Variants in FLG observed in about 807,000 individuals in gnomAD.
FLG encodes the protein epidermal filaggrin.
In FLG, 6 loss-of-function variants were observed where a neutral mutation model predicts 3.8. The ratio of observed to expected loss-of-function variants is 1.60; its 90% CI spans 0.87 to 3.15. The LOEUF (loss-of-function observed/expected upper bound fraction) is 3.15. FLG is among the 30% of genes most tolerant of loss of function. The pLI is 0.00. For synonymous variants in FLG, 2,551 were observed against 1,931.6 expected, an observed-to-expected ratio of 1.32 and a Z score of -8.41; for missense variants, 7,595 against 5,050.9, an observed-to-expected ratio of 1.50 and a Z score of -15.27.
At position 152,304,254 on chromosome 1, in the gene FLG, G is replaced by A; in HGVS notation, c.10632C>T (p.Asp3544=). The change falls in exon 3 of 3, where the codon GAC becomes GAT. Residue 3544 remains aspartate, a synonymous_variant. Coordinates refer to ENST00000368799, the MANE Select transcript of FLG (RefSeq NM_002016.2). ...NQGSSVSQDS[D]SQGHSEDSER... ...CAGAGTCTTCTGAGTGTCCCTGACT[G>A]TCACTGTCCTGGCTAACACTGGATC... The A allele has an allele frequency of 1.2e-6, 2 of 1,613,240 alleles. No individual in the cohort carries two copies. Among genetic ancestry groups the A allele is most frequent in the Non-Finnish European group, 1.7e-6 (2 of 1,179,692 alleles).
rs74925349 is a variant in FLG, at chr1:152,305,366, T to C, written c.9520A>G (p.Ser3174Gly). ...TGACGTGACACTGAGTGCCTGGAGC[T>C]GTCTCCTGATTGTTCCTCATTACGT... ...TTRNEEQSGD[S>G]SRHSVSRHHE... The change falls in exon 3 of 3, where the codon AGC (serine) becomes GGC (glycine). Residue 3174 changes from serine to glycine, a missense_variant. Coordinates refer to ENST00000368799, the MANE Select transcript of FLG (RefSeq NM_002016.2). 8,754 of 1,603,790 alleles carry C rather than the reference T, an allele frequency of 5.5e-3. 592 individuals carry two copies. The African/African-American group carries it at 0.094, about 17-fold the overall frequency.
In FLG at chr1:152,313,975, T is replaced by C. The variant is rs1244509813; in HGVS notation, c.911A>G (p.Glu304Gly). Residue 304 changes from glutamate (E) to glycine (G), a missense_variant, in exon 3 of 3, where the codon GAG becomes GGG. Transcript: ENST00000368799. ...GSRVSQDRDS[E>G]GHSEDSERHS... ...CCTCTCAGAGTCTTCTGAGTGTCCC[T>C]CACTGTCCCTGTCCTGGCTAACTCT... 1.6e-5 allele frequency: 26 copies of C among 1,614,088 alleles called. No individual in the cohort carries two copies. Among genetic ancestry groups the C allele is most frequent in the Non-Finnish European group, 2.2e-5 (26 of 1,180,044 alleles).
chr1:152,315,528 T>C (rs1232116243), intron 1 of FLG, 51 bp from the exon 2 acceptor site: 4 of 1,364,002 alleles, frequency 2.9e-6, no homozygotes, highest in Non-Finnish European at 4.1e-6. Flanking sequence ...TTTTTCTAGG[T>C]TATATTATTA....
In FLG at chr1:152,307,644, G is replaced by T; in HGVS notation, c.7242C>A (p.Phe2414Leu). Residue 2414 changes from phenylalanine to leucine, a missense_variant, in exon 3 of 3, where the codon TTC (phenylalanine) becomes TTA (leucine). Transcript: ENST00000368799. ...SAGRSGRSGSFLYQVSTHEQS... is the reference protein window; with the variant it reads ...SAGRSGRSGSLLYQVSTHEQS... ...GTTCATGAGTGCTCACCTGGTAGAGGAAAGACCCTGAACGTCCAGACCTTC... is the reference window on the plus strand; with the variant it reads ...GTTCATGAGTGCTCACCTGGTAGAGTAAAGACCCTGAACGTCCAGACCTTC... 1 of 1,613,506 alleles carries T rather than the reference G, an allele frequency of 6.2e-7. No individual in the cohort carries two copies. The highest frequency in any genetic ancestry group is 1.3e-5 in the African/African-American group (1 of 74,744).
At position 152,312,935 on chromosome 1, in the gene FLG, C is replaced by G; in HGVS notation, c.1951G>C (p.Glu651Gln). The G allele has an allele frequency of 6.2e-7, 1 of 1,613,992 alleles. No homozygotes were observed. The change falls in exon 3 of 3, where the codon GAG becomes CAG. Residue 651 changes from glutamate to glutamine, a missense_variant. Glu to Gln is a conservative substitution (Grantham distance 29). Transcript: ENST00000368799. ...TGTCTGGAGCCATCTCTTGACTGCTCCTGAGCAGATCCATGATGGTTTCTG... is the reference window on the plus strand; with the variant it reads ...TGTCTGGAGCCATCTCTTGACTGCTGCTGAGCAGATCCATGATGGTTTCTG... Reference protein sequence around the residue: ...ASRNHHGSAQEQSRDGSRHPR... With the variant: ...ASRNHHGSAQQQSRDGSRHPR...
Position 152,303,533 on chromosome 1 carries a change from C to G in FLG, c.11353G>C (p.Gly3785Arg). ...EQSVDRSGHSGSHHSHTTSQG... is the reference protein window; with the variant it reads ...EQSVDRSGHSRSHHSHTTSQG... ...GATGTGGTGTGGCTGTGATGGGACC[C>G]TGAGTGTCCAGACCTATCTACCGAT... Residue 3785 changes from glycine (G) to arginine (R), a missense_variant, in exon 3 of 3, where the codon GGG (glycine) becomes CGG (arginine). Transcript: ENST00000368799. 6.2e-7 allele frequency: 1 copy of G among 1,614,076 alleles called. No homozygotes were observed.
At position 152,311,423 on chromosome 1, in the gene FLG, G is replaced by T. The variant is rs2101648233; in HGVS notation, c.3463C>A (p.His1155Asn). The part of the protein sequence containing the change: ...HHEQARDSSR[H>N]SASQEGQDTI... Reference sequence around the variant, plus strand: ...TCCTGACCCTCTTGGGACGCTGAGTGCCTGGAGCTGTCTCGTGCCTGCTCG... The same window carrying T: ...TCCTGACCCTCTTGGGACGCTGAGTTCCTGGAGCTGTCTCGTGCCTGCTCG... The change falls in exon 3 of 3, where the codon CAC becomes AAC. Residue 1155 changes from histidine to asparagine, a missense_variant. Coordinates refer to ENST00000368799, the MANE Select transcript of FLG (RefSeq NM_002016.2). 2.5e-6 allele frequency: 4 copies of T among 1,613,934 alleles called. No homozygotes were observed. The highest frequency in any genetic ancestry group is 2.2e-5 in the East Asian group (1 of 44,836).
In FLG at chr1:152,314,561, T is replaced by C; in HGVS notation, c.325A>G (p.Lys109Glu). 6.2e-7 allele frequency: 1 copy of C among 1,613,802 alleles called. No individual in the cohort carries two copies. Among genetic ancestry groups the C allele is most frequent in the Non-Finnish European group, 8.5e-7 (1 of 1,179,786 alleles). ...TCTTCCTGTTTATTATCTTCATGTT[T>C]ATCATGATGACTGTGCTTTCTGTGC... The part of the protein sequence containing the change: ...HKHRKHSHHD[K>E]HEDNKQEENK... The change falls in exon 3 of 3, where the codon AAA becomes GAA. Residue 109 changes from lysine to glutamate, a missense_variant. By Grantham distance (56) the Lys-to-Glu change is moderately conservative. Transcript: ENST00000368799.
In FLG at chr1:152,310,776, G is replaced by C. The variant is rs752215155; in HGVS notation, c.4110C>G (p.His1370Gln). 6.2e-7 allele frequency: 1 copy of C among 1,614,008 alleles called. No individual in the cohort carries two copies. Among genetic ancestry groups the C allele is most frequent in the Non-Finnish European group, 8.5e-7 (1 of 1,180,000 alleles). Residue 1370 changes from histidine to glutamine, a missense_variant, in exon 3 of 3, where the codon CAC becomes CAG. His to Gln is a conservative substitution (Grantham distance 24, BLOSUM62 0). Coordinates refer to ENST00000368799, the MANE Select transcript of FLG (RefSeq NM_002016.2). ...RHQQSADSSR[H>Q]SGIGHRQASS... is the part of the protein sequence containing the mutation. The stretch of plus-strand genomic sequence containing the variant: ...AAGCTTGTCTGTGCCCAATGCCTGA[G>C]TGTCTGGAGCTGTCTGCTGACTGCT...
In FLG at chr1:152,304,867, G is replaced by A. The variant is rs749682384; in HGVS notation, c.10019C>T (p.Ala3340Val). 2.5e-6 allele frequency: 4 copies of A among 1,613,350 alleles called. No homozygotes were observed. Among genetic ancestry groups the A allele is most frequent in the African/African-American group, 2.7e-5 (2 of 74,706 alleles). ...SRHWGSSGSQ[A>V]SDSEGHSEES... ...TTCTGAATGTCCCTCACTATCACTGGCCTGACTACCACTGGACCCCCAGTG... is the reference window on the plus strand; with the variant it reads ...TTCTGAATGTCCCTCACTATCACTGACCTGACTACCACTGGACCCCCAGTG... Residue 3340 changes from alanine (A) to valine (V), a missense_variant, in exon 3 of 3, where the codon GCC (alanine) becomes GTC (valine). Ala to Val is a moderately conservative substitution (Grantham distance 64). Transcript: ENST00000368799.
In FLG at chr1:152,309,837, G is replaced by A. The variant is rs751543259; in HGVS notation, c.5049C>T (p.Ser1683=). The A allele has an allele frequency of 1.5e-5, 24 of 1,613,998 alleles. No homozygotes were observed. In the South Asian group the frequency reaches 2.5e-4, roughly 17 times the overall value. ...ARSSPGERHG[S]RHQQSADSST... ...AGCTGTCTGCTGACTGCTGGTGGCGGGATCCATGTCTTTCTCCTGGACTTG... is the reference window on the plus strand; with the variant it reads ...AGCTGTCTGCTGACTGCTGGTGGCGAGATCCATGTCTTTCTCCTGGACTTG... The change falls in exon 3 of 3, where the codon TCC becomes TCT. Residue 1683 remains serine, a synonymous_variant. Transcript: ENST00000368799.
chr1:152,304,071 A>G lies in FLG; in HGVS notation c.10815T>C (p.Asn3605=), dbSNP rs771446536. 1 of 1,612,544 alleles carries G rather than the reference A, an allele frequency of 6.2e-7. No individual in the cohort carries two copies. The change falls in exon 3 of 3, where the codon AAT becomes AAC. Residue 3605 remains asparagine, a synonymous_variant. Coordinates refer to ENST00000368799, the MANE Select transcript of FLG (RefSeq NM_002016.2). ...SRQSGTHHAE[N]SSGGQAASSH... ...ATGATGCAGCCTGTCCACCAGAGGA[A>G]TTCTCTGCATGATGAGTGCCTGATT... is the stretch of plus-strand genomic sequence containing the variant.
chr1:152,312,126 G>C lies in FLG; in HGVS notation c.2760C>G (p.Ala920=), dbSNP rs748509669. The change falls in exon 3 of 3, where the codon GCC becomes GCG. Residue 920 remains alanine, a synonymous_variant. Coordinates refer to ENST00000368799, the MANE Select transcript of FLG (RefSeq NM_002016.2). The part of the protein sequence containing the change: ...GSRHHEASSH[A]DISRHSQAGQ... ...CTGCCTGTGAGTGTCTAGAGATGTC[G>C]GCATGAGAGGAAGCTTCATGGTGAC... The C allele has an allele frequency of 2.5e-6, 4 of 1,613,954 alleles. No individual in the cohort carries two copies. The highest frequency in any genetic ancestry group is 2.2e-5 in the South Asian group (2 of 91,058).
Position 152,302,567 on chromosome 1 carries a change from G to T in FLG, c.*133C>A. 1 of 1,162,710 alleles carries T rather than the reference G, an allele frequency of 8.6e-7. No homozygotes were observed. 72.0% of individuals were successfully genotyped at this position (1,162,710 alleles called of 1,614,324 possible). A position where few individuals can be genotyped will look rare whatever the true frequency, so the allele number is the denominator to read the frequency against. ...AAAAATAAGCTACCACCAAACTAAT[G>T]AAATACTATAGCATATTTTAAACAG... On this transcript the variant is annotated 3_prime_UTR_variant, in exon 3 of 3. Coordinates refer to ENST00000368799, the MANE Select transcript of FLG (RefSeq NM_002016.2).
chr1:152,316,403 A>G (rs1309481530), intron 1 of FLG, among the ~76,000 whole-genome samples: 1 of 152,074 alleles, frequency 6.6e-6, no homozygotes, highest in East Asian at 1.9e-4. Context: ...GAATTAAGAA[A>G]CTTTAATAAT....
Position 152,309,644 on chromosome 1 carries a change from G to C in FLG, c.5242C>G (p.Gln1748Glu), listed in dbSNP as rs141501664. The change falls in exon 3 of 3, where the codon CAA becomes GAA. Residue 1748 changes from glutamine (Q) to glutamate (E), a missense_variant. Physicochemically the swap from Gln to Glu is conservative, Grantham distance 29. Coordinates refer to ENST00000368799, the MANE Select transcript of FLG (RefSeq NM_002016.2). ...GQAGPHQQSHQESTRGQSGER... is the reference protein window; with the variant it reads ...GQAGPHQQSHEESTRGQSGER... ...CCTGACTGGCCACGTGTGGACTCTT[G>C]GTGGCTCTGCTGATGGGGCCCAGCC... 1.2e-6 allele frequency: 2 copies of C among 1,613,898 alleles called. No individual in the cohort carries two copies. The highest frequency in any genetic ancestry group is 1.6e-4 in the Middle Eastern group (1 of 6,062).
chr1:152,324,786 C>G (rs1279870838), intron 1 of FLG, among the ~76,000 whole-genome samples: 1 of 151,802 alleles, frequency 6.6e-6, no homozygotes, highest in Non-Finnish European at 1.5e-5. Flanking sequence ...CTACATCACT[C>G]TTTTATTTTC....
chr1:152,306,298 G>T lies in FLG; in HGVS notation c.8588C>A (p.Thr2863Asn), dbSNP rs150480686. The change falls in exon 3 of 3, where the codon ACT (threonine) becomes AAT (asparagine). Residue 2863 changes from threonine to asparagine, a missense_variant. Transcript: ENST00000368799. ...HSGSRHHEAS[T>N]HADISRHSQA... ...TGAGTGTCTAGAGATGTCGGCATGA[G>T]TGGAAGCTTCATGGTGACGCGACCC... 2.5e-4 allele frequency: 396 copies of T among 1,603,712 alleles called. No homozygotes were observed. Among genetic ancestry groups the T allele is most frequent in the Non-Finnish European group, 1.7e-4 (196 of 1,179,864 alleles).
At chr1:152,318,084 T>G (rs1652846253) in intron 1 of FLG, among the ~76,000 whole-genome samples, 1 of 152,000 alleles carries the variant, frequency 6.6e-6, no homozygotes, top group African/African-American at 2.4e-5. Context: ...CTGGAGTATC[T>G]TCCATCTTAA....
Sources: allele counts gnomAD v4.1 joint callset (sites outside exome capture counted in the v4.1 genomes callset), GRCh38; gene constraint gnomAD v4.1.1; transcripts MANE v1.5; gene names NCBI Gene and HGNC (gene_info 2026-07-23, HGNC 2026-07-21).